Variants in ST18 observed in about 807,000 individuals in gnomAD.
The protein encoded by ST18 is ST18 C2H2C-type zinc finger transcription factor.
In ST18, 50 loss-of-function variants were observed where a neutral mutation model predicts 110.0. The observed-to-expected ratio is 0.45, with a 90% CI of 0.36 to 0.58. The LOEUF (loss-of-function observed/expected upper bound fraction) is 0.58, where lower values mean the gene tolerates loss of function less well. ST18 is among the 20% of genes least tolerant of loss of function. ST18 has a pLI of 0.00. For missense variants in ST18, 1,306 were observed against 1,280.1 expected, an observed-to-expected ratio of 1.02 and a Z score of -0.31; for synonymous variants, 461 against 452.4, an observed-to-expected ratio of 1.02 and a Z score of -0.24.
chr8:52,285,060 AG>A (rs1432129330), intron 2 of ST18, among the ~76,000 whole-genome samples: 1 of 152,184 alleles, frequency 6.6e-6, no homozygotes, highest in African/African-American at 2.4e-5. Flanking sequence ...TATCACTGGA[AG>A]GTGTGGGGAG....
intron 6 of ST18, among the ~76,000 whole-genome samples, chr8:52,217,311 C>T (rs1311052576): frequency 6.6e-6 from 1 of 152,076 alleles, no homozygotes; most frequent in Non-Finnish European, 1.5e-5. Flanking sequence ...TGAGAATGTA[C>T]TTCTCGATAG....
chr8:52,113,954 G>GGTT (rs2041422738), intron 25 of ST18, among the ~76,000 whole-genome samples: 2 of 45,422 alleles, frequency 4.4e-5, no homozygotes, highest in Non-Finnish European at 7.5e-5. Context: ...TTCATACCGT[G>GGTT]TTTTTTTTTT....
At chr8:52,141,864 G>A (rs991388917) in intron 17 of ST18, among the ~76,000 whole-genome samples, 6 of 152,216 alleles carry the variant, frequency 3.9e-5, no homozygotes, top group African/African-American at 1.4e-4. Context: ...CGGGGTGGCA[G>A]CCAAGGAGTC....
chr8:52,311,401 T>C (rs1334643151), intron 2 of ST18, among the ~76,000 whole-genome samples: 1 of 152,218 alleles, frequency 6.6e-6, no homozygotes, highest in Admixed American at 6.5e-5. Context: ...GTATTTTCCA[T>C]ACTGGACCCT....
chr8:52,358,692 T>C (rs1008735484), intron 2 of ST18, among the ~76,000 whole-genome samples: 2 of 151,680 alleles, frequency 1.3e-5, no homozygotes, highest in African/African-American at 2.4e-5. Context: ...AGTAAAGAGA[T>C]TGAATAAGTA....
At chr8:52,275,635 C>T (rs1405241052) in intron 2 of ST18, among the ~76,000 whole-genome samples, 2 of 152,206 alleles carry the variant, frequency 1.3e-5, no homozygotes, top group Middle Eastern at 3.4e-3. Flanking sequence ...ACTAAGCAGA[C>T]ATATCTGTAA....
At chr8:52,125,831 C>T (rs1163822250) in intron 23 of ST18, 8 of 514,632 alleles carry the variant, frequency 1.6e-5, no homozygotes, top group Middle Eastern at 4.9e-4. Context: ...CACTGCCTGA[C>T]TTTCTCTGTT....
chr8:52,265,957 G>A (rs541974636), intron 2 of ST18, among the ~76,000 whole-genome samples: 5 of 152,188 alleles, frequency 3.3e-5, no homozygotes, highest in South Asian at 2.1e-4. Context: ...AGGAGGTGAC[G>A]CCAGGAGAGG....
intron 8 of ST18, 103 bp from the exon 9 acceptor site, chr8:52,180,415 A>G: frequency 1.4e-5 from 18 of 1,322,564 alleles, no homozygotes; most frequent in Non-Finnish European, 1.8e-5. Context: ...GAAACTTGGG[A>G]CTAGAGGTTT....
Position 52,318,320 on chromosome 8 carries a change from G to A in ST18, c.-464-88243C>T, listed in dbSNP as rs143682189. ...AAAAGCCCAAGATCACCGATCATTA[G>A]AGAAATACAAATCAAAACCACAATG... is the stretch of plus-strand genomic sequence containing the variant. On this transcript the variant is annotated intron_variant, in intron 2 of 25. Coordinates refer to ENST00000689386, the MANE Select transcript of ST18 (RefSeq NM_001352837.2). Among the ~76,000 whole-genome samples the A allele has an allele frequency of 1.3e-4, 20 of 152,232 alleles. No individual in the cohort carries two copies. The East Asian group carries it at 1.7e-3, about 13-fold the overall frequency.
At chr8:52,167,617 G>A (rs1362835292) in intron 10 of ST18, among the ~76,000 whole-genome samples, 1 of 152,254 alleles carries the variant, frequency 6.6e-6, no homozygotes, top group Non-Finnish European at 1.5e-5. Flanking sequence ...TCAGCATGCA[G>A]TGAGCACGGG....
intron 2 of ST18, among the ~76,000 whole-genome samples, chr8:52,292,695 T>A (rs1439878406): frequency 6.6e-6 from 1 of 152,218 alleles, no homozygotes; most frequent in Non-Finnish European, 1.5e-5. Flanking sequence ...GTGTGTCTAT[T>A]GAGTTTAATT....
Position 52,304,383 on chromosome 8 carries a change from A to G in ST18, c.-464-74306T>C, listed in dbSNP as rs147067657. 5.9e-5 allele frequency among the ~76,000 whole-genome samples: 9 copies of G among 152,348 alleles called. No homozygotes were observed. In the East Asian group the frequency reaches 1.5e-3, roughly 26 times the overall value. On this transcript the variant is annotated intron_variant, in intron 2 of 25. Coordinates refer to ENST00000689386, the MANE Select transcript of ST18 (RefSeq NM_001352837.2). The stretch of plus-strand genomic sequence containing the variant: ...CATCCTATCTGTACTGATAAGGTTA[A>G]AAGTAAAGAGAGAAACAATATCAGA...
chr8:52,357,681 ATATATATAT>A (rs1823491514), intron 2 of ST18, among the ~76,000 whole-genome samples: 3 of 19,026 alleles, frequency 1.6e-4, no homozygotes, highest in African/African-American at 6.1e-4. Context: ...CTATAAATAT[ATATATATAT>A]ATATATATAT....
chr8:52,326,409 T>C (rs1172381701), intron 2 of ST18, among the ~76,000 whole-genome samples: 1 of 152,168 alleles, frequency 6.6e-6, no homozygotes, highest in Non-Finnish European at 1.5e-5. Context: ...GTGTGACCTT[T>C]GGTTTAGTAT....
chr8:52,197,303 C>T (rs1411073699), intron 8 of ST18, among the ~76,000 whole-genome samples: 2 of 152,160 alleles, frequency 1.3e-5, no homozygotes, highest in Admixed American at 1.3e-4. Flanking sequence ...TTATTGTGGA[C>T]AACCTAAAAA....
At chr8:52,113,449 G>T in intron 25 of ST18, 111 bp from the exon 26 acceptor site, 1 of 1,270,682 alleles carries the variant, frequency 7.9e-7, no homozygotes, top group Non-Finnish European at 1.1e-6. Context: ...GGAAGGCAAG[G>T]GTGCATATGA....
chr8:52,130,119 A>AAAAGAAAGAAGGAAAG (rs2048792431), intron 22 of ST18, among the ~76,000 whole-genome samples: 1 of 105,164 alleles, frequency 9.5e-6, no homozygotes, highest in Non-Finnish European at 1.8e-5. Flanking sequence ...AGAAAGAAAG[A>AAAAGAAAGAAGGAAAG]AAAGAAAGAA....
At chr8:52,400,508 T>C (rs1224211451) in intron 2 of ST18, among the ~76,000 whole-genome samples, 1 of 152,114 alleles carries the variant, frequency 6.6e-6, no homozygotes, top group East Asian at 1.9e-4. Flanking sequence ...TTTCTTCCTC[T>C]TTTGTTGTCT....
Sources: allele counts gnomAD v4.1 joint callset (sites outside exome capture counted in the v4.1 genomes callset), GRCh38; gene constraint gnomAD v4.1.1; transcripts MANE v1.5; gene names NCBI Gene and HGNC (gene_info 2026-07-23, HGNC 2026-07-21).